Variants in CENPE observed in about 807,000 individuals in gnomAD.
CENPE encodes the protein centromere protein E.
A neutral mutation model predicts 336.1 loss-of-function variants in CENPE; 145 were observed. That is an observed-to-expected ratio of 0.43 (90% CI 0.38 to 0.50). CENPE has a LOEUF of 0.50. CENPE is among the 20% of genes least tolerant of loss of function. The pLI is 0.00. For missense variants in CENPE, 2,719 were observed against 3,023.3 expected (o/e 0.90, Z 2.36); for synonymous variants, 1,013 against 984.8 (o/e 1.03, Z -0.54).
At chr4:103,116,498 TTAAC>T (rs1489715150) in intron 45 of CENPE, 75 bp downstream of exon 45, 4 of 593,966 alleles carry the variant, frequency 6.7e-6, no homozygotes, top group East Asian at 3.2e-5. Flanking sequence ...TTTTAAAAAG[TTAAC>T]TAATGAAAAG....
chr4:103,166,302 G>A (rs951896714), intron 16 of CENPE, among the ~76,000 whole-genome samples: 6 of 152,116 alleles, frequency 3.9e-5, no homozygotes, highest in Non-Finnish European at 8.8e-5. Flanking sequence ...TTGGATCTGC[G>A]GTAAGTTTAT....
chr4:103,194,709 G>T (rs368324733), intron 5 of CENPE, 25 bp from the exon 6 acceptor site: 72 of 1,546,818 alleles, frequency 4.7e-5, no homozygotes, highest in Admixed American at 7.8e-5. Flanking sequence ...ATTATGGAAA[G>T]ATTAGAGAAA....
chr4:103,181,098 A>G (rs1756290591), intron 12 of CENPE, among the ~76,000 whole-genome samples: 1 of 152,204 alleles, frequency 6.6e-6, no homozygotes, highest in Non-Finnish European at 1.5e-5. Context: ...TGATAATCTC[A>G]GATTTTGCCC....
chr4:103,116,593 T>C lies in CENPE; in HGVS notation c.7426A>G (p.Lys2476Glu). ...AATACGTACTCCTTTTCAAATTCTT[T>C]GGCATTTTTCATTTTCTCTAGGTCT... ...KIDLEKMKNA[K>E]EFEKEISATK... is the part of the protein sequence containing the mutation. The change falls in exon 45 of 49, where the codon AAA becomes GAA. Residue 2476 changes from lysine to glutamate, a missense_variant. By Grantham distance (56) the Lys-to-Glu change is moderately conservative. Around this residue, in one of 5 missense-constraint regions of CENPE, gnomAD observed 2,437 missense variants for 2,513.3 expected, o/e 0.97. Coordinates refer to ENST00000265148, the MANE Select transcript of CENPE (RefSeq NM_001813.3). The C allele has an allele frequency of 1.3e-6, 2 of 1,543,676 alleles. No individual in the cohort carries two copies. Among genetic ancestry groups the C allele is most frequent in the Admixed American group, 2.0e-5 (1 of 50,992 alleles).
Position 103,198,270 on chromosome 4 carries a change from T to C in CENPE, c.50A>G (p.Asn17Ser). The change falls in exon 1 of 49, where the codon AAC (asparagine) becomes AGC (serine). Residue 17 changes from asparagine (N) to serine (S), a missense_variant. Physicochemically the swap from Asn to Ser is conservative, Grantham distance 46. This residue lies in a region of CENPE where 48 missense variants were observed against 50.8 expected (regional missense o/e 0.94). Coordinates refer to ENST00000265148, the MANE Select transcript of CENPE (RefSeq NM_001813.3). ...VAVCVRVRPL[N>S]SREESLGETA... The stretch of plus-strand genomic sequence containing the variant: ...CGTGGTGTGGCCCCCCTACCTGCTG[T>C]TCAGCGGCCGCACTCGCACGCAGAC... 1 of 1,550,678 alleles carries C rather than the reference T, an allele frequency of 6.4e-7. No homozygotes were observed. The highest frequency in any genetic ancestry group is 8.7e-7 in the Non-Finnish European group (1 of 1,146,850).
rs2125916300 is a variant in CENPE, at chr4:103,140,388, T to G, written c.5781A>C (p.Lys1927Asn). 6.3e-7 allele frequency: 1 copy of G among 1,597,512 alleles called. No homozygotes were observed. Among genetic ancestry groups the G allele is most frequent in the Non-Finnish European group, 8.5e-7 (1 of 1,174,358 alleles). Residue 1927 changes from lysine (K) to asparagine (N), a missense_variant, in exon 37 of 49, where the codon AAA becomes AAC. Coordinates refer to ENST00000265148, the MANE Select transcript of CENPE (RefSeq NM_001813.3). The stretch of plus-strand genomic sequence containing the variant: ...GTTCTTTTGATAGCATACGAGCAGT[T>G]TTTAGTTCCTGTTGTATTTCCAGAT... ...ARDLEIQQEL[K>N]TARMLSKEHK...
intron 28 of CENPE, 29 bp from the exon 29 acceptor site, chr4:103,147,675 A>G (rs1488133334): frequency 6.4e-7 from 1 of 1,571,698 alleles, no homozygotes; most frequent in African/African-American, 1.4e-5. Flanking sequence ...TACCAAGGTT[A>G]CTATCAGGAG....
intron 2 of CENPE, 72 bp downstream of exon 2, chr4:103,196,687 T>G (rs964181236): frequency 1.4e-6 from 1 of 735,168 alleles, no homozygotes; most frequent in Non-Finnish European, 2.3e-6. Context: ...AATCTAATAT[T>G]ATTGATAAGC....
intron 15 of CENPE, among the ~76,000 whole-genome samples, chr4:103,175,141 C>T (rs1217166578): frequency 4.6e-5 from 7 of 151,906 alleles, no homozygotes; most frequent in Non-Finnish European, 8.8e-5. Context: ...ACCATAAGTC[C>T]TCAAGCTCCT....
chr4:103,147,435 T>A lies in CENPE; in HGVS notation c.4055A>T (p.Asp1352Val). The change falls in exon 29 of 49, where the codon GAC becomes GTC. Residue 1352 changes from aspartate to valine, a missense_variant. Transcript: ENST00000265148. ...EEIKSLTKERDNLKTIKEALE... is the reference protein window; with the variant it reads ...EEIKSLTKERVNLKTIKEALE... ...GGCTTCTTTTATCGTTTTAAGGTTGTCTCTTTCCTTGGTTAGAGATTTTAT... is the reference window on the plus strand; with the variant it reads ...GGCTTCTTTTATCGTTTTAAGGTTGACTCTTTCCTTGGTTAGAGATTTTAT... The A allele has an allele frequency of 1.2e-6, 2 of 1,614,052 alleles. No individual in the cohort carries two copies. The highest frequency in any genetic ancestry group is 1.3e-5 in the African/African-American group (1 of 75,052).
intron 39 of CENPE, among the ~76,000 whole-genome samples, chr4:103,137,104 G>A (rs1752131927): frequency 6.6e-6 from 1 of 152,104 alleles, no homozygotes; most frequent in Non-Finnish European, 1.5e-5. Context: ...TTTGAACTAA[G>A]TCAGATACAA....
intron 18 of CENPE, 42 bp from the exon 19 acceptor site, chr4:103,161,499 A>G: frequency 6.6e-7 from 1 of 1,520,608 alleles, no homozygotes; most frequent in African/African-American, 1.4e-5. Flanking sequence ...TCTAATTTTC[A>G]CAGAGTTGGA....
chr4:103,174,873 G>C lies in CENPE; in HGVS notation c.1510C>G (p.Arg504Gly), dbSNP rs1755724315. ...AATACCAGATTATCATAGTCAGCAC[G>C]AAGTGAGTTCAACTCACTTTCTATA... ...ENIESELNSLRADYDNLVLDY... is the reference protein window; with the variant it reads ...ENIESELNSLGADYDNLVLDY... Residue 504 changes from arginine to glycine, a missense_variant, in exon 16 of 49, where the codon CGT becomes GGT. By Grantham distance (125) the Arg-to-Gly change is moderately radical. Coordinates refer to ENST00000265148, the MANE Select transcript of CENPE (RefSeq NM_001813.3). The C allele has an allele frequency of 6.7e-7, 1 of 1,496,342 alleles. No homozygotes were observed. The highest frequency in any genetic ancestry group is 8.9e-7 in the Non-Finnish European group (1 of 1,125,912). The allele number at this position is 1,496,342 out of a possible 1,614,324, so 92.7% of individuals were successfully genotyped here. A position where few individuals can be genotyped will look rare whatever the true frequency, so the allele number is the denominator to read the frequency against.
rs1274848966 is a variant in CENPE at position 103,185,791 on chromosome 4, T to C, written c.745+19A>G. On this transcript the variant is annotated intron_variant, in intron 9 of 48. Transcript: ENST00000265148. Reference sequence around the variant, plus strand: ...ATAGGAAGACATTAAGACTAACATATTTCATGAGTTTTAATTACCTGCAGC... The same window carrying C: ...ATAGGAAGACATTAAGACTAACATACTTCATGAGTTTTAATTACCTGCAGC... 2.5e-6 allele frequency: 4 copies of C among 1,586,358 alleles called. No individual in the cohort carries two copies. Among genetic ancestry groups the C allele is most frequent in the Non-Finnish European group, 3.4e-6 (4 of 1,160,966 alleles).
At chr4:103,196,673 G>T in intron 2 of CENPE, 86 bp downstream of exon 2, 1 of 686,290 alleles carries the variant, frequency 1.5e-6, no homozygotes, top group Non-Finnish European at 2.5e-6. Flanking sequence ...AATCTTTAGT[G>T]ACAAATCTAA....
In CENPE at chr4:103,198,323, A is replaced by G. The variant is rs1468404792; in HGVS notation, c.-4T>C. On this transcript the variant is annotated 5_prime_UTR_variant, in exon 1 of 49. Transcript: ENST00000265148. ...CCACGGCTCCTTCCTCCGCCATCCT[A>G]TCAGGCTGAACTGGTCCCAGGAAAA... 1.9e-6 allele frequency: 3 copies of G among 1,551,342 alleles called. No individual in the cohort carries two copies. Among genetic ancestry groups the G allele is most frequent in the Admixed American group, 2.0e-5 (1 of 51,010 alleles).
At chr4:103,189,450 A>G (rs889221741) in intron 8 of CENPE, among the ~76,000 whole-genome samples, 3 of 152,308 alleles carry the variant, frequency 2.0e-5, no homozygotes, top group African/African-American at 4.8e-5. Context: ...ACCATGATCA[A>G]GTGGGCTTCA....
intron 28 of CENPE, 94 bp downstream of exon 28, chr4:103,148,750 G>T: frequency 8.6e-7 from 1 of 1,157,886 alleles, no homozygotes; most frequent in Non-Finnish European, 1.2e-6. Context: ...GTCAATTAAT[G>T]AACCACATCC....
intron 28 of CENPE, 48 bp from the exon 29 acceptor site, chr4:103,147,694 C>A (rs370289059): frequency 1.4e-4 from 208 of 1,513,610 alleles, no homozygotes; most frequent in Admixed American, 3.6e-4. Flanking sequence ...AGATTATGAT[C>A]ATAATTTTTT....
Sources: allele counts gnomAD v4.1 joint callset (sites outside exome capture counted in the v4.1 genomes callset), GRCh38; gene constraint gnomAD v4.1.1; regional missense constraint gnomAD v4.1.1; transcripts MANE v1.5; gene names NCBI Gene and HGNC (gene_info 2026-07-23, HGNC 2026-07-21).